The following ASAP2 variants were observed in gnomAD, a reference collection of about 807,000 sequenced individuals.
The protein encoded by ASAP2 is arf-GAP with SH3 domain, ANK repeat and PH domain-containing protein 2.
A neutral mutation model predicts 131.4 loss-of-function variants in ASAP2; 45 were observed. The ratio of observed to expected loss-of-function variants is 0.34; its 90% CI spans 0.27 to 0.44. The LOEUF is 0.44. Among genes scored for constraint, ASAP2 ranks in the 20% least tolerant of loss-of-function variants. ASAP2 has a pLI of 1.00. For synonymous variants in ASAP2, 510 were observed against 503.0 expected, an observed-to-expected ratio of 1.01 and a Z score of -0.19; for missense variants, 1,011 against 1,297.0, an observed-to-expected ratio of 0.78 and a Z score of 3.39.
rs968424272 is a variant in ASAP2 at position 9,392,333 on chromosome 2, A to G, written c.2518+1137A>G. Among the ~76,000 whole-genome samples, 2 of 152,182 alleles carry G rather than the reference A, an allele frequency of 1.3e-5. No individual in the cohort carries two copies. Among genetic ancestry groups the G allele is most frequent in the Non-Finnish European group, 2.9e-5 (2 of 68,026 alleles). On this transcript the variant is annotated intron_variant, in intron 23 of 27. Coordinates refer to ENST00000281419, the MANE Select transcript of ASAP2 (RefSeq NM_003887.3). The surrounding 1 kb of genome is among the most constrained non-coding windows in gnomAD (Gnocchi z 4.0). ...CTGTCTCCTGCTGCAGCAGCCCTGG[A>G]GTGGGGAGTCCAGCATCTCTGGGCT... is the stretch of plus-strand genomic sequence containing the variant.
intron 3 of ASAP2, among the ~76,000 whole-genome samples, chr2:9,304,318 T>A (rs1668684961): frequency 6.6e-6 from 1 of 152,174 alleles, no homozygotes; most frequent in South Asian, 2.1e-4. Context: ...CATTGTGTGT[T>A]TTCTTAATTG....
At chr2:9,221,952 C>T (rs1348383674) in intron 1 of ASAP2, among the ~76,000 whole-genome samples, 1 of 151,964 alleles carries the variant, frequency 6.6e-6, no homozygotes, top group Admixed American at 6.5e-5. Flanking sequence ...CGCCACCACG[C>T]CTGGCTAATT....
At chr2:9,400,228 G>GCCCTCCTGC (rs1188232961) in intron 25 of ASAP2, among the ~76,000 whole-genome samples, 156 bp downstream of exon 25, 2 of 13,884 alleles carry the variant, frequency 1.4e-4, no homozygotes, top group African/African-American at 1.3e-3. Flanking sequence ...CTCCCCTCCT[G>GCCCTCCTGC]CCCCCTCCCC....
At chr2:9,384,206 A>G (rs975584171) in intron 20 of ASAP2, among the ~76,000 whole-genome samples, 4 of 152,248 alleles carry the variant, frequency 2.6e-5, no homozygotes, top group African/African-American at 9.6e-5. Context: ...AGTCAGTTTT[A>G]GGGAGGGACT....
chr2:9,365,562 G>A lies in ASAP2; in HGVS notation c.1462-2863G>A, dbSNP rs556430089. On this transcript the variant is annotated intron_variant, in intron 15 of 27. Transcript: ENST00000281419. ...TTTTGGCTCAGTGGGCCCTGCTCAGGTAGGTGCTAAGGACGTACAGGTGTG... is the reference window on the plus strand; with the variant it reads ...TTTTGGCTCAGTGGGCCCTGCTCAGATAGGTGCTAAGGACGTACAGGTGTG... Among the ~76,000 whole-genome samples, 8 of 152,282 alleles carry A rather than the reference G, an allele frequency of 5.3e-5. No individual in the cohort carries two copies. In the East Asian group the frequency reaches 7.7e-4, roughly 15 times the overall value.
intron 16 of ASAP2, among the ~76,000 whole-genome samples, chr2:9,373,154 C>T (rs761504964): frequency 6.6e-6 from 1 of 152,094 alleles, no homozygotes. Flanking sequence ...GAGGCACCCG[C>T]CTTAACCTAG....
intron 1 of ASAP2, among the ~76,000 whole-genome samples, chr2:9,216,453 A>ATTTTTTTTTT (rs999787414): frequency 2.3e-5 from 2 of 85,420 alleles, no homozygotes; most frequent in Admixed American, 1.4e-4. Context: ...TGCCTGTTTA[A>ATTTTTTTTTT]TTTTTTTTTT....
Position 9,251,445 on chromosome 2 carries a change from A to G in ASAP2, c.127-27872A>G, listed in dbSNP as rs555035203. ...TGGCTGCTCAGTGGGTCTGGGCGCA[A>G]AGCATGTGGAGAAATTGAGAAGCTC... is the stretch of plus-strand genomic sequence containing the variant. On this transcript the variant is annotated intron_variant, in intron 1 of 27. Coordinates refer to ENST00000281419, the MANE Select transcript of ASAP2 (RefSeq NM_003887.3). Among the ~76,000 whole-genome samples the G allele has an allele frequency of 1.2e-4, 18 of 152,318 alleles. No individual in the cohort carries two copies. In the East Asian group the frequency reaches 3.5e-3, roughly 29 times the overall value.
chr2:9,260,947 A>AG (rs945783551), intron 1 of ASAP2, among the ~76,000 whole-genome samples: 2 of 152,108 alleles, frequency 1.3e-5, no homozygotes, highest in East Asian at 3.9e-4. Context: ...CAGGGTGGTT[A>AG]GGGGGGTTGT....
chr2:9,357,270 G>A (rs960985192), intron 14 of ASAP2, among the ~76,000 whole-genome samples: 1 of 151,666 alleles, frequency 6.6e-6, no homozygotes, highest in Non-Finnish European at 1.5e-5. Flanking sequence ...CTTGAGGTCA[G>A]GAGTTCAAGA....
intron 1 of ASAP2, among the ~76,000 whole-genome samples, chr2:9,208,200 G>C (rs1661273270): frequency 6.6e-6 from 1 of 152,048 alleles, no homozygotes; most frequent in South Asian, 2.1e-4. Context: ...ACTCTGCTCG[G>C]CTCAGAATAG....
intron 1 of ASAP2, among the ~76,000 whole-genome samples, chr2:9,269,997 T>A (rs1666228168): frequency 2.0e-5 from 3 of 151,894 alleles, no homozygotes; most frequent in Non-Finnish European, 4.4e-5. Context: ...TATAGAAGAG[T>A]TTGGGAACTC....
intron 1 of ASAP2, among the ~76,000 whole-genome samples, chr2:9,248,080 G>A (rs1664456967): frequency 6.6e-6 from 1 of 152,192 alleles, no homozygotes; most frequent in Non-Finnish European, 1.5e-5. Context: ...ACGCTAGGTG[G>A]AGAAGGGGTG....
Position 9,401,280 on chromosome 2 carries a change from T to G in ASAP2, c.2830T>G (p.Leu944Val). The change falls in exon 27 of 28, where the codon TTG (leucine) becomes GTG (valine). Residue 944 changes from leucine to valine, a missense_variant. Transcript: ENST00000281419. The part of the protein sequence containing the change: ...PMPRKSQATK[L>V]KPKRVKALYN... ...GTTCCCTCTCCTGACCCAGACCAAG[T>G]TGAAGCCTAAGCGGGTGAAAGCGCT... The G allele has an allele frequency of 6.2e-7, 1 of 1,613,416 alleles. No homozygotes were observed. The highest frequency in any genetic ancestry group is 8.5e-7 in the Non-Finnish European group (1 of 1,179,886).
chr2:9,350,938 T>C (rs1672292657), intron 12 of ASAP2, 43 bp downstream of exon 12: 3 of 1,486,538 alleles, frequency 2.0e-6, no homozygotes, highest in Non-Finnish European at 2.8e-6. Flanking sequence ...GACGTTGTCT[T>C]ATGCTCTCCT....
chr2:9,280,955 C>T (rs1165243619), intron 2 of ASAP2, among the ~76,000 whole-genome samples: 1 of 152,300 alleles, frequency 6.6e-6, no homozygotes, highest in South Asian at 2.1e-4. Flanking sequence ...GGAGCTCAGA[C>T]CCTGATGGTC....
intron 11 of ASAP2, 108 bp from the exon 12 acceptor site, chr2:9,350,700 C>A: frequency 3.3e-6 from 3 of 899,798 alleles, no homozygotes; most frequent in Non-Finnish European, 4.9e-6. Context: ...CCTTTGCAAA[C>A]TAGTGAAGAG....
chr2:9,216,595 G>C (rs1040255259), intron 1 of ASAP2, among the ~76,000 whole-genome samples: 66 of 151,604 alleles, frequency 4.4e-4, no homozygotes, highest in African/African-American at 1.5e-3. Flanking sequence ...TGAGTAGCTG[G>C]GATTACAGGT....
chr2:9,386,779 A>G (rs948389410), intron 21 of ASAP2, among the ~76,000 whole-genome samples: 1 of 152,254 alleles, frequency 6.6e-6, no homozygotes, highest in Non-Finnish European at 1.5e-5. Flanking sequence ...ATATCCAGTG[A>G]ACAGACAAGA....
Sources: allele counts gnomAD v4.1 joint callset (sites outside exome capture counted in the v4.1 genomes callset), GRCh38; gene constraint gnomAD v4.1.1; non-coding constraint Gnocchi (gnomAD v3.1); transcripts MANE v1.5; gene names NCBI Gene and HGNC (gene_info 2026-07-23, HGNC 2026-07-21).